Variants in PHACTR1 observed in about 807,000 individuals in gnomAD.
PHACTR1 encodes the protein phosphatase and actin regulator 1.
PHACTR1 carries 16 observed loss-of-function variants against 69.2 expected under a neutral mutation model. That is an observed-to-expected ratio of 0.23 (90% CI 0.16 to 0.35). PHACTR1 has a LOEUF of 0.35. Among genes scored for constraint, PHACTR1 ranks in the 10% least tolerant of loss-of-function variants. The pLI, the probability that PHACTR1 is intolerant of heterozygous loss-of-function variation, is 1.00. For missense variants in PHACTR1, 510 were observed against 734.7 expected (o/e 0.69, Z 3.54); for synonymous variants, 312 against 284.5 (o/e 1.10, Z -0.97).
chr6:12,802,779 A>G (rs1773859458), intron 4 of PHACTR1, among the ~76,000 whole-genome samples: 2 of 152,336 alleles, frequency 1.3e-5, no homozygotes, highest in African/African-American at 4.8e-5. Flanking sequence ...TACCTCTCTA[A>G]GCTCAGTGTT....
intron 4 of PHACTR1, among the ~76,000 whole-genome samples, chr6:12,962,745 G>C (rs1207608885): frequency 1.3e-5 from 2 of 152,192 alleles, no homozygotes; most frequent in African/African-American, 4.8e-5. Context: ...TTTTGAATTA[G>C]ATGTTCCTTT....
chr6:13,111,816 C>T (rs1817084541), intron 5 of PHACTR1, among the ~76,000 whole-genome samples: 1 of 152,092 alleles, frequency 6.6e-6, no homozygotes, highest in African/African-American at 2.4e-5. Flanking sequence ...TTTTTCTCTT[C>T]TTCCTGCCAT....
At chr6:13,133,043 T>G (rs1239613455) in intron 5 of PHACTR1, among the ~76,000 whole-genome samples, 1 of 152,142 alleles carries the variant, frequency 6.6e-6, no homozygotes, top group Admixed American at 6.5e-5. Flanking sequence ...TAATATAATA[T>G]TCTCAATCCT....
chr6:13,057,289 A>G (rs1363200866), intron 5 of PHACTR1, among the ~76,000 whole-genome samples: 1 of 152,202 alleles, frequency 6.6e-6, no homozygotes, highest in Non-Finnish European at 1.5e-5. Context: ...TAATTTTTAA[A>G]AAAAGGAAAA....
chr6:13,046,281 C>T (rs1341043622), intron 4 of PHACTR1, among the ~76,000 whole-genome samples: 2 of 152,160 alleles, frequency 1.3e-5, no homozygotes, highest in Non-Finnish European at 2.9e-5. Context: ...CTACCCATCC[C>T]CACCGGGACT....
intron 4 of PHACTR1, among the ~76,000 whole-genome samples, chr6:12,915,309 T>G (rs1441065812): frequency 6.6e-6 from 1 of 151,916 alleles, no homozygotes; most frequent in African/African-American, 2.4e-5. Flanking sequence ...GAGTTCGAGA[T>G]TAGCCTGGGC....
chr6:13,230,088 G>A lies in PHACTR1; in HGVS notation c.1286G>A (p.Ser429Asn). The change falls in exon 10 of 15, where the codon AGC becomes AAC. Residue 429 changes from serine to asparagine, a missense_variant. Ser to Asn is a conservative substitution (Grantham distance 46, BLOSUM62 1). Transcript: ENST00000332995. ...CRKDSLAIKL[S>N]NRPSKRELEE... ...AAGGACTCCTTAGCCATCAAACTCA[G>A]CAACAGGCCCTCCAAGCGAGAGCTG... The A allele has an allele frequency of 6.2e-7, 1 of 1,611,432 alleles. No individual in the cohort carries two copies. The highest frequency in any genetic ancestry group is 1.1e-5 in the South Asian group (1 of 90,318).
chr6:13,085,561 T>G (rs1363973872), intron 5 of PHACTR1, among the ~76,000 whole-genome samples: 1 of 152,108 alleles, frequency 6.6e-6, no homozygotes, highest in Non-Finnish European at 1.5e-5. Context: ...AAAATATGTA[T>G]GTATCTAACT....
At chr6:13,191,840 T>A (rs1350216558) in intron 7 of PHACTR1, among the ~76,000 whole-genome samples, 1 of 152,254 alleles carries the variant, frequency 6.6e-6, no homozygotes, top group African/African-American at 2.4e-5. Flanking sequence ...ATTTTACTTT[T>A]TATACTCACT....
rs568444235 is a variant in PHACTR1, at chr6:13,218,789, GA to G, written c.987-9025del. 3.1e-3 allele frequency among the ~76,000 whole-genome samples: 472 copies of G among 150,864 alleles called. 3 individuals are homozygous for G. The highest frequency in any genetic ancestry group is 0.011 in the African/African-American group (445 of 41,078). ...AGCTATTTAAAAAGAAGAAGAAGAA[GA>G]AGGAGGAGGAGAAGAAGAAGAAGGA... On this transcript the variant is annotated intron_variant, in intron 8 of 14. Coordinates refer to ENST00000332995, the MANE Select transcript of PHACTR1 (RefSeq NM_030948.6).
chr6:12,900,234 C>G lies in PHACTR1; in HGVS notation c.250+150444C>G, dbSNP rs532618073. Among the ~76,000 whole-genome samples, 5 of 152,192 alleles carry G rather than the reference C, an allele frequency of 3.3e-5. No homozygotes were observed. In the South Asian group the frequency reaches 1.0e-3, roughly 32 times the overall value. The stretch of plus-strand genomic sequence containing the variant: ...TATTATTTTTAACTTGTCTGAATCC[C>G]TCCTTCCCCCTCTTTCTGTTGTTTT... On this transcript the variant is annotated intron_variant, in intron 4 of 14. Coordinates refer to ENST00000332995, the MANE Select transcript of PHACTR1 (RefSeq NM_030948.6).
intron 4 of PHACTR1, among the ~76,000 whole-genome samples, chr6:12,912,316 C>G (rs1786502979): frequency 6.6e-6 from 1 of 152,076 alleles, no homozygotes; most frequent in African/African-American, 2.4e-5. Flanking sequence ...AGCATTTAAT[C>G]TCAAGAGCAG....
intron 5 of PHACTR1, among the ~76,000 whole-genome samples, chr6:13,082,617 C>G (rs559453486): frequency 9.0e-4 from 137 of 152,264 alleles, no homozygotes; most frequent in Non-Finnish European, 1.6e-3. Context: ...CTGTTGTTTC[C>G]TGACTTATTA....
intron 4 of PHACTR1, among the ~76,000 whole-genome samples, chr6:12,900,543 A>AT (rs1421627299): frequency 1.3e-5 from 2 of 152,186 alleles, no homozygotes; most frequent in African/African-American, 4.8e-5. Context: ...AAATACAAAA[A>AT]TACACTACGC....
At chr6:12,815,906 G>A (rs925682584) in intron 4 of PHACTR1, among the ~76,000 whole-genome samples, 3 of 152,222 alleles carry the variant, frequency 2.0e-5, no homozygotes, top group African/African-American at 7.2e-5. Context: ...GCAGGTTGCT[G>A]TGGGTTTATG....
chr6:13,047,611 T>C (rs1393555711), intron 4 of PHACTR1, among the ~76,000 whole-genome samples: 1 of 152,008 alleles, frequency 6.6e-6, no homozygotes, highest in African/African-American at 2.4e-5. Flanking sequence ...TTTATGAGAA[T>C]CTTAGGTCCT....
At chr6:13,157,081 G>A (rs1490870659) in intron 5 of PHACTR1, among the ~76,000 whole-genome samples, 5 of 152,070 alleles carry the variant, frequency 3.3e-5, no homozygotes, top group Admixed American at 3.3e-4. Flanking sequence ...GCCTTTCATG[G>A]CCCAGCCTCC....
At chr6:13,155,292 A>G (rs1758011260) in intron 5 of PHACTR1, among the ~76,000 whole-genome samples, 1 of 152,248 alleles carries the variant, frequency 6.6e-6, no homozygotes, top group Middle Eastern at 3.4e-3. Context: ...CCCTTTCCAT[A>G]TAGTATATAA....
At chr6:13,120,800 ATTG>A (rs996540104) in intron 5 of PHACTR1, among the ~76,000 whole-genome samples, 24 of 152,130 alleles carry the variant, frequency 1.6e-4, no homozygotes, top group Non-Finnish European at 1.0e-4. Context: ...AGTCCTCATT[ATTG>A]TTGTCATTTT....
Sources: allele counts gnomAD v4.1 joint callset (sites outside exome capture counted in the v4.1 genomes callset), GRCh38; gene constraint gnomAD v4.1.1; transcripts MANE v1.5; gene names NCBI Gene and HGNC (gene_info 2026-07-23, HGNC 2026-07-21).